The following GBE1 variants were observed in gnomAD, a reference collection of about 807,000 sequenced individuals.
GBE1 encodes 1,4-alpha-glucan-branching enzyme.
Under a neutral mutation model 88.8 loss-of-function variants are expected in GBE1, and 70 were observed. That is an observed-to-expected ratio of 0.79 (90% CI 0.65 to 0.96). GBE1 has a LOEUF of 0.96. Ranked by LOEUF, GBE1 falls within the 40% of genes least tolerant of loss-of-function variation. GBE1 has a pLI of 0.00. For synonymous variants in GBE1, 284 were observed against 300.1 expected, an observed-to-expected ratio of 0.95 and a Z score of 0.56; for missense variants, 872 against 871.0, an observed-to-expected ratio of 1.00 and a Z score of -0.01.
At chr3:81,549,893 G>A (rs1178174252) in intron 12 of GBE1, among the ~76,000 whole-genome samples, 1 of 151,496 alleles carries the variant, frequency 6.6e-6, no homozygotes, top group Non-Finnish European at 1.5e-5. Context: ...TAGTACACTT[G>A]TTATTAATAG....
chr3:81,668,554 A>C (rs1156883285), intron 3 of GBE1, among the ~76,000 whole-genome samples: 11 of 152,212 alleles, frequency 7.2e-5, no homozygotes, highest in African/African-American at 2.6e-4. Context: ...GTAGCTGCTT[A>C]TGTTGGTATT....
At chr3:81,503,210 G>A (rs769344188) in intron 14 of GBE1, among the ~76,000 whole-genome samples, 2 of 152,116 alleles carry the variant, frequency 1.3e-5, no homozygotes, top group Non-Finnish European at 2.9e-5. Flanking sequence ...TGGTCTTCAT[G>A]TACATGTGAC....
At chr3:81,605,468 A>G (rs539364342) in intron 7 of GBE1, among the ~76,000 whole-genome samples, 7 of 152,316 alleles carry the variant, frequency 4.6e-5, no homozygotes, top group African/African-American at 1.4e-4. Flanking sequence ...CTTTACCTCT[A>G]AAGATACATG....
Position 81,490,101 on chromosome 3 carries a change from A to G in GBE1, c.*306T>C, listed in dbSNP as rs1396246883. The G allele has an allele frequency of 3.4e-6, 1 of 297,904 alleles. No homozygotes were observed. Among genetic ancestry groups the G allele is most frequent in the East Asian group, 8.3e-5 (1 of 12,002 alleles). 18.5% of individuals were successfully genotyped at this position (297,904 alleles called of 1,614,324 possible). A position where few individuals can be genotyped will look rare whatever the true frequency, so the allele number is the denominator to read the frequency against. Reference sequence around the variant, plus strand: ...ATGATTCAAATTTGAATTTAAAAGGATCAAATAATTAGCCAGGAAAGCAAA... The same window carrying G: ...ATGATTCAAATTTGAATTTAAAAGGGTCAAATAATTAGCCAGGAAAGCAAA... On this transcript the variant is annotated 3_prime_UTR_variant, in exon 16 of 16. Coordinates refer to ENST00000429644, the MANE Select transcript of GBE1 (RefSeq NM_000158.4).
At chr3:81,753,155 A>G (rs1706555043) in intron 1 of GBE1, among the ~76,000 whole-genome samples, 2 of 152,316 alleles carry the variant, frequency 1.3e-5, no homozygotes, top group Non-Finnish European at 1.5e-5. Context: ...TGTATAACAT[A>G]TTTTAAAACT....
intron 7 of GBE1, among the ~76,000 whole-genome samples, chr3:81,607,723 A>C (rs1704123046): frequency 6.6e-6 from 1 of 152,084 alleles, no homozygotes; most frequent in African/African-American, 2.4e-5. Flanking sequence ...TCCCAGTTTA[A>C]AAATCGTTTT....
intron 14 of GBE1, among the ~76,000 whole-genome samples, chr3:81,529,839 G>C (rs1316635242): frequency 1.3e-5 from 2 of 151,804 alleles, no homozygotes; most frequent in Non-Finnish European, 2.9e-5. Context: ...TCTTGTCCTT[G>C]AGTATTGATA....
intron 1 of GBE1, among the ~76,000 whole-genome samples, chr3:81,753,422 T>C (rs546235667): frequency 1.6e-3 from 249 of 152,326 alleles, no homozygotes; most frequent in Non-Finnish European, 2.1e-3. Flanking sequence ...TTAATACCTA[T>C]AAATGTATAA....
intron 10 of GBE1, among the ~76,000 whole-genome samples, chr3:81,584,036 A>C (rs980183141): frequency 5.3e-5 from 8 of 152,122 alleles, no homozygotes; most frequent in African/African-American, 1.7e-4. Flanking sequence ...TGCTCAATAA[A>C]TATTTGGTGG....
chr3:81,589,027 A>G (rs1703839577), intron 9 of GBE1, among the ~76,000 whole-genome samples: 1 of 151,208 alleles, frequency 6.6e-6, no homozygotes, highest in South Asian at 2.1e-4. Flanking sequence ...GTTCTTTTAA[A>G]ATTTTTAAGA....
At chr3:81,536,076 A>T (rs1354395116) in intron 13 of GBE1, among the ~76,000 whole-genome samples, 1 of 151,986 alleles carries the variant, frequency 6.6e-6, no homozygotes, top group African/African-American at 2.4e-5. Context: ...GCCTTTTGGT[A>T]TTCAACGTTG....
chr3:81,603,403 T>C (rs980106772), intron 7 of GBE1, among the ~76,000 whole-genome samples: 2 of 152,142 alleles, frequency 1.3e-5, no homozygotes, highest in Non-Finnish European at 2.9e-5. Context: ...AAAATCAGTA[T>C]ATAAACAGAT....
At chr3:81,549,153 C>T (rs1305607919) in intron 12 of GBE1, among the ~76,000 whole-genome samples, 5 of 150,234 alleles carry the variant, frequency 3.3e-5, no homozygotes, top group African/African-American at 1.2e-4. Context: ...CCTCAGCCTC[C>T]TGAGTAGCTG....
intron 1 of GBE1, among the ~76,000 whole-genome samples, chr3:81,707,130 G>T (rs1705788850): frequency 6.6e-6 from 1 of 152,048 alleles, no homozygotes; most frequent in Non-Finnish European, 1.5e-5. Flanking sequence ...AGCATACAAT[G>T]TTTTAAGAAA....
chr3:81,723,512 T>C (rs1575766652), intron 1 of GBE1, among the ~76,000 whole-genome samples: 1 of 152,248 alleles, frequency 6.6e-6, no homozygotes, highest in Non-Finnish European at 1.5e-5. Flanking sequence ...TCACCTTAGA[T>C]TTTTTTCTTA....
At chr3:81,751,727 C>A (rs1706530720) in intron 1 of GBE1, among the ~76,000 whole-genome samples, 1 of 152,180 alleles carries the variant, frequency 6.6e-6, no homozygotes, top group Non-Finnish European at 1.5e-5. Context: ...TTCTATAATT[C>A]ATTGCTTGTG....
intron 2 of GBE1, among the ~76,000 whole-genome samples, chr3:81,700,886 T>C (rs1010333783): frequency 6.6e-5 from 10 of 152,138 alleles, no homozygotes; most frequent in African/African-American, 2.4e-4. Flanking sequence ...CCTCCCAGAC[T>C]TAGTAATTTT....
chr3:81,587,945 A>G (rs753846798), intron 9 of GBE1, among the ~76,000 whole-genome samples: 1 of 152,194 alleles, frequency 6.6e-6, no homozygotes, highest in Non-Finnish European at 1.5e-5. Flanking sequence ...TTTAATTACT[A>G]AGTACTTCGG....
chr3:81,542,797 C>T (rs969304331), intron 12 of GBE1, among the ~76,000 whole-genome samples: 20 of 152,066 alleles, frequency 1.3e-4, no homozygotes, highest in African/African-American at 4.8e-4. Flanking sequence ...ACCTCAGTGT[C>T]ATGCAATATA....
Sources: gnomAD v4.1 joint callset for allele counts (sites outside exome capture counted in the v4.1 genomes callset) on GRCh38, gnomAD v4.1.1 for gene constraint, MANE v1.5 for transcripts, NCBI Gene and HGNC (gene_info 2026-07-23, HGNC 2026-07-21) for gene names.